The following KMT5A variants were observed in gnomAD, a reference collection of about 807,000 sequenced individuals.
The protein encoded by KMT5A is N-lysine methyltransferase KMT5A.
A neutral mutation model predicts 40.6 loss-of-function variants in KMT5A; 6 were observed. The observed-to-expected ratio is 0.15, with a 90% CI of 0.08 to 0.29. The LOEUF is 0.29. Among genes scored for constraint, KMT5A ranks in the 10% least tolerant of loss-of-function variants. KMT5A has a pLI of 1.00. For synonymous variants in KMT5A, 153 were observed against 178.8 expected (o/e 0.86, Z 1.15); for missense variants, 308 against 459.1 (o/e 0.67, Z 3.01).
At chr12:123,390,989 CA>C (rs1480467723) in intron 3 of KMT5A, 1 of 578,078 alleles carries the variant, frequency 1.7e-6, no homozygotes, top group Non-Finnish European at 3.0e-6. Flanking sequence ...TCCCTGCTTT[CA>C]CAAGAGTTAG....
chr12:123,392,909 C>T (rs1318352819), intron 3 of KMT5A, among the ~76,000 whole-genome samples: 1 of 152,162 alleles, frequency 6.6e-6, no homozygotes, highest in African/African-American at 2.4e-5. Flanking sequence ...CACAGTCTCG[C>T]TCTGTCTTGC....
rs368402370 is a variant in KMT5A at position 123,390,801 on chromosome 12, T to C, written c.289+15T>C. 3.7e-6 allele frequency: 6 copies of C among 1,613,422 alleles called. No individual in the cohort carries two copies. Among genetic ancestry groups the C allele is most frequent in the Non-Finnish European group, 5.1e-6 (6 of 1,179,620 alleles). ...GAAACGAGAAGGTAAGCTTTTGAAA[T>C]GGCCTCGTTCTGATCCCAGCTGGTC... On this transcript the variant is annotated intron_variant, in intron 3 of 7. Transcript: ENST00000402868.
chr12:123,384,350 G>A lies in KMT5A; in HGVS notation c.10+142G>A. The A allele has an allele frequency of 8.4e-7, 1 of 1,191,624 alleles. No individual in the cohort carries two copies. The highest frequency in any genetic ancestry group is 1.2e-6 in the Non-Finnish European group (1 of 848,150). The allele number at this position is 1,191,624 out of a possible 1,614,324, so 73.8% of individuals were successfully genotyped here. A position where few individuals can be genotyped will look rare whatever the true frequency, so the allele number is the denominator to read the frequency against. The stretch of plus-strand genomic sequence containing the variant: ...CTTGGGGACCCGCGTGGGGGGAGAG[G>A]GGGTGCTGCTGCGGAACCCGCCGGC... On this transcript the variant is annotated intron_variant, in intron 1 of 7. Coordinates refer to ENST00000402868, the MANE Select transcript of KMT5A (RefSeq NM_020382.7). This position sits in a 1 kb window ranked among gnomAD's most constrained non-coding sequence, Gnocchi z 5.7.
chr12:123,407,626 G>C lies in KMT5A; in HGVS notation c.982G>C (p.Ala328Pro). Residue 328 changes from alanine (A) to proline (P), a missense_variant, in exon 8 of 8, where the codon GCT (alanine) becomes CCT (proline). Coordinates refer to ENST00000402868, the MANE Select transcript of KMT5A (RefSeq NM_020382.7). ...LILIASRDIA[A>P]GEELLYDYGD... ...CCTCATCGCCTCCCGAGACATCGCG[G>C]CTGGGGAGGAGCTCCTGTATGACTA... 6.2e-7 allele frequency: 1 copy of C among 1,613,824 alleles called. No homozygotes were observed. The highest frequency in any genetic ancestry group is 8.5e-7 in the Non-Finnish European group (1 of 1,179,830).
At chr12:123,392,106 G>T (rs952983096) in intron 3 of KMT5A, among the ~76,000 whole-genome samples, 5 of 152,184 alleles carry the variant, frequency 3.3e-5, no homozygotes, top group African/African-American at 9.7e-5. Context: ...TTGAAGGGTG[G>T]TTGCAGCGTG....
At position 123,389,992 on chromosome 12, in the gene KMT5A, G is replaced by A. The variant is rs967678939; in HGVS notation, c.132+438G>A. ...GTGACCTGAACCGCCCCACCGCCCC[G>A]TCCACTCTCTTACTGACGCCCAGGT... On this transcript the variant is annotated intron_variant, in intron 2 of 7. Coordinates refer to ENST00000402868, the MANE Select transcript of KMT5A (RefSeq NM_020382.7). 46 of 457,538 alleles carry A rather than the reference G, an allele frequency of 1.0e-4. No individual in the cohort carries two copies. The East Asian group carries it at 2.2e-3, about 22-fold the overall frequency. 28.3% of individuals were successfully genotyped at this position (457,538 alleles called of 1,614,324 possible).
At chr12:123,391,772 C>T (rs1287184132) in intron 3 of KMT5A, among the ~76,000 whole-genome samples, 2 of 152,222 alleles carry the variant, frequency 1.3e-5, no homozygotes, top group East Asian at 3.8e-4. Context: ...GAGCCTCTGG[C>T]TGCCAGCAGC....
intron 6 of KMT5A, 25 bp downstream of exon 6, chr12:123,403,657 A>C: frequency 2.5e-6 from 4 of 1,614,066 alleles, no homozygotes; most frequent in East Asian, 4.5e-5. Context: ...TGCTTGCTGC[A>C]TCATAGCTAA....
intron 1 of KMT5A, among the ~76,000 whole-genome samples, chr12:123,387,409 T>C (rs1369450382): frequency 6.6e-6 from 1 of 152,194 alleles, no homozygotes; most frequent in Non-Finnish European, 1.5e-5. Flanking sequence ...TGCTTCCTGC[T>C]CCAAAACCAT....
intron 1 of KMT5A, 119 bp from the exon 2 acceptor site, chr12:123,389,314 C>T: frequency 3.1e-6 from 2 of 654,730 alleles, no homozygotes; most frequent in Non-Finnish European, 3.8e-6. Context: ...GAGCCGGGGC[C>T]TCGAAATATG....
intron 2 of KMT5A, among the ~76,000 whole-genome samples, chr12:123,389,888 G>A (rs1877158080): frequency 6.6e-6 from 1 of 152,136 alleles, no homozygotes; most frequent in African/African-American, 2.4e-5. Flanking sequence ...GGCGGCGAGG[G>A]CCCGGCGTTG....
rs1035100075 is a variant in KMT5A, at chr12:123,409,175, C to G, written c.*1472C>G. On this transcript the variant is annotated 3_prime_UTR_variant, in exon 8 of 8. Transcript: ENST00000402868. ...TAAGAAAGTCTTCCCTCCCACCCCC[C>G]GCTAGCCTGGTCAGTGGTCAGCAAA... 1 of 152,680 alleles carries G rather than the reference C, an allele frequency of 6.5e-6. No individual in the cohort carries two copies. Among genetic ancestry groups the G allele is most frequent in the Middle Eastern group, 3.4e-3 (1 of 294 alleles). 9.5% of individuals were successfully genotyped at this position (152,680 alleles called of 1,614,324 possible).
At chr12:123,404,487 A>G (rs1056192037) in intron 6 of KMT5A, among the ~76,000 whole-genome samples, 9 of 152,156 alleles carry the variant, frequency 5.9e-5, no homozygotes, top group African/African-American at 2.4e-5. Context: ...AGACAGAGAA[A>G]CCAGGTGTGT....
rs191953980 is a variant in KMT5A, at chr12:123,400,236, C to T, written c.598-3337C>T. 7.0e-5 allele frequency among the ~76,000 whole-genome samples: 10 copies of T among 142,418 alleles called. No individual in the cohort carries two copies. The East Asian group carries it at 8.2e-4, about 12-fold the overall frequency. The allele number at this position is 142,418 out of a possible 152,430, so 93.4% of individuals were successfully genotyped here. Reference sequence around the variant, plus strand: ...GTTTTTAGTAGAGACGGGGTTTCACCGTGTTAGCCAGGATGGTCTCGATCT... The same window carrying T: ...GTTTTTAGTAGAGACGGGGTTTCACTGTGTTAGCCAGGATGGTCTCGATCT... On this transcript the variant is annotated intron_variant, in intron 5 of 7. Transcript: ENST00000402868.
chr12:123,397,932 C>T (rs1877862957), intron 5 of KMT5A, among the ~76,000 whole-genome samples: 1 of 151,588 alleles, frequency 6.6e-6, no homozygotes, highest in Non-Finnish European at 1.5e-5. Context: ...CTCAGCCTCC[C>T]AAAGTGCTGG....
At chr12:123,403,672 G>C in intron 6 of KMT5A, 40 bp downstream of exon 6, 1 of 1,612,890 alleles carries the variant, frequency 6.2e-7, no homozygotes, top group Non-Finnish European at 8.5e-7. Context: ...AGCTAAAGCT[G>C]GAAGAGCTCA....
intron 7 of KMT5A, among the ~76,000 whole-genome samples, chr12:123,405,297 TCTC>T (rs1251977983): frequency 1.3e-5 from 2 of 151,636 alleles, no homozygotes; most frequent in East Asian, 3.9e-4. Flanking sequence ...CTCAAAGAAT[TCTC>T]CTCCCTCAGC....
intron 1 of KMT5A, among the ~76,000 whole-genome samples, chr12:123,386,468 G>A (rs1172557227): frequency 6.6e-6 from 1 of 151,916 alleles, no homozygotes; most frequent in Non-Finnish European, 1.5e-5. Context: ...TGCCCACCTC[G>A]GCCTCCCAGA....
chr12:123,386,971 C>T (rs926735932), intron 1 of KMT5A, among the ~76,000 whole-genome samples: 2 of 152,182 alleles, frequency 1.3e-5, no homozygotes, highest in Admixed American at 6.5e-5. Context: ...ACTCTCCTGC[C>T]TCAGCCTCCC....
Sources: gnomAD v4.1 joint callset for allele counts (sites outside exome capture counted in the v4.1 genomes callset) on GRCh38, gnomAD v4.1.1 for gene constraint, Gnocchi (gnomAD v3.1) non-coding constraint, MANE v1.5 for transcripts, NCBI Gene and HGNC (gene_info 2026-07-23, HGNC 2026-07-21) for gene names.